SLC25A26: variants seen among roughly 807,000 people sequenced by gnomAD.
The protein encoded by SLC25A26 is solute carrier family 25 member 26.
In SLC25A26, 36 loss-of-function variants were observed where a neutral mutation model predicts 37.8. That is an observed-to-expected ratio of 0.95 (90% CI 0.73 to 1.26). SLC25A26 has a LOEUF of 1.26. Ranked by LOEUF, SLC25A26 falls within the 50% of genes most tolerant of loss-of-function variation. The pLI is 0.00. For missense variants in SLC25A26, 390 were observed against 331.1 expected, an observed-to-expected ratio of 1.18 and a Z score of -1.38; for synonymous variants, 129 against 122.5, an observed-to-expected ratio of 1.05 and a Z score of -0.35.
At chr3:66,366,961 G>A (rs1394652745) in intron 7 of SLC25A26, among the ~76,000 whole-genome samples, 1 of 152,176 alleles carries the variant, frequency 6.6e-6, no homozygotes, top group Non-Finnish European at 1.5e-5. Context: ...GTGCATTCCT[G>A]GCATGCCAGA....
intron 2 of SLC25A26, among the ~76,000 whole-genome samples, chr3:66,237,450 G>C (rs2072348488): frequency 6.6e-6 from 1 of 152,266 alleles, no homozygotes; most frequent in Non-Finnish European, 1.5e-5. Flanking sequence ...GTGAAGCCAA[G>C]TTTGATAATA....
Position 66,141,515 on chromosome 3 carries a change from A to ATT in SLC25A26, c.-354+7545_-354+7546dup, listed in dbSNP as rs35691470. ...AAAGCAAATCTTTGAAATAGTGTGA[A>ATT]TTTTTTTTTTTTTTTGAGACAGAGT... On this transcript the variant is annotated intron_variant, in intron 1 of 10. Transcript: ENST00000676754. Among the ~76,000 whole-genome samples the ATT allele has an allele frequency of 3.9e-4, 57 of 146,324 alleles. No homozygotes were observed. In the East Asian group the frequency reaches 8.5e-3, roughly 22 times the overall value.
At chr3:66,258,642 A>T (rs2073399410) in intron 3 of SLC25A26, among the ~76,000 whole-genome samples, 1 of 152,194 alleles carries the variant, frequency 6.6e-6, no homozygotes, top group South Asian at 2.1e-4. Flanking sequence ...ATGAATTTTA[A>T]TAACATATTT....
At chr3:66,262,979 GTTCTT>G (rs1223031764) in intron 4 of SLC25A26, among the ~76,000 whole-genome samples, 2 of 152,140 alleles carry the variant, frequency 1.3e-5, no homozygotes, top group Non-Finnish European at 1.5e-5. Context: ...CATCTCAAAT[GTTCTT>G]TTCAAGAGAA....
intron 5 of SLC25A26, among the ~76,000 whole-genome samples, chr3:66,339,386 C>T (rs973660498): frequency 6.6e-6 from 1 of 151,978 alleles, no homozygotes; most frequent in Non-Finnish European, 1.5e-5. Flanking sequence ...TAGGTTTATA[C>T]CTAGAAATGG....
intron 5 of SLC25A26, among the ~76,000 whole-genome samples, chr3:66,346,058 G>A (rs1426488225): frequency 1.3e-5 from 2 of 152,158 alleles, no homozygotes; most frequent in African/African-American, 4.8e-5. Context: ...AGCTGGGTGT[G>A]GTGGCGTGTG....
rs530514660 is a variant in SLC25A26 at position 66,272,176 on chromosome 3, C to G, written c.453+8797C>G. ...CATACATTATTTCACATAATCCTCA[C>G]AGCAGCCCAAAATGCGATCCCTACT... On this transcript the variant is annotated intron_variant, in intron 5 of 9. Transcript: ENST00000354883. Among the ~76,000 whole-genome samples the G allele has an allele frequency of 2.1e-3, 323 of 152,238 alleles. 1 individual carries two copies. The highest frequency in any genetic ancestry group is 7.1e-3 in the African/African-American group (295 of 41,542).
intron 1 of SLC25A26, among the ~76,000 whole-genome samples, chr3:66,173,488 G>C (rs546390764): frequency 6.6e-6 from 1 of 152,198 alleles, no homozygotes; most frequent in Non-Finnish European, 1.5e-5. Context: ...GGGAGTGGAT[G>C]TTTAAGCTTG....
intron 1 of SLC25A26, among the ~76,000 whole-genome samples, chr3:66,142,283 G>T (rs1250300743): frequency 6.6e-6 from 1 of 152,080 alleles, no homozygotes; most frequent in Non-Finnish European, 1.5e-5. Flanking sequence ...ATGTTTTTGA[G>T]GTTCATCCAG....
chr3:66,368,702 G>A (rs1031275187), intron 7 of SLC25A26, among the ~76,000 whole-genome samples: 2 of 152,140 alleles, frequency 1.3e-5, no homozygotes, highest in African/African-American at 2.4e-5. Flanking sequence ...AATGATAGAC[G>A]CATTTTGGAG....
chr3:66,346,392 T>C lies in SLC25A26; in HGVS notation c.482T>C (p.Leu161Ser). Residue 161 changes from leucine to serine, a missense_variant, in exon 6 of 10, where the codon TTA becomes TCA. Coordinates refer to ENST00000354883, the MANE Select transcript of SLC25A26 (RefSeq NM_001379210.1). ...CCTTTTTCTTTGGTCCAGTTTCCCT[T>C]ATGGGAGTCCTTAAAAGTAAGTTTC... ...EIPFSLVQFPLWESLKALWSW... is the reference protein window; with the variant it reads ...EIPFSLVQFPSWESLKALWSW... 1.3e-6 allele frequency: 2 copies of C among 1,488,702 alleles called. No individual in the cohort carries two copies. The highest frequency in any genetic ancestry group is 1.8e-6 in the Non-Finnish European group (2 of 1,114,104). 92.2% of individuals were successfully genotyped at this position (1,488,702 alleles called of 1,614,324 possible). A position where few individuals can be genotyped will look rare whatever the true frequency, so the allele number is the denominator to read the frequency against.
chr3:66,283,455 AT>A (rs1236814375), intron 5 of SLC25A26, among the ~76,000 whole-genome samples: 1 of 151,818 alleles, frequency 6.6e-6, no homozygotes, highest in African/African-American at 2.4e-5. Context: ...TAATTTTTGT[AT>A]TTTTTTGTAG....
chr3:66,162,344 C>CCT (rs1208364646), intron 1 of SLC25A26, among the ~76,000 whole-genome samples: 4 of 47,396 alleles, frequency 8.4e-5, no homozygotes, highest in African/African-American at 2.9e-4. Context: ...ATTTTTTTTT[C>CCT]TTTTTTTTTT....
At chr3:66,267,674 G>T (rs146812189) in intron 5 of SLC25A26, among the ~76,000 whole-genome samples, 42 of 152,268 alleles carry the variant, frequency 2.8e-4, no homozygotes, top group Non-Finnish European at 5.6e-4. Flanking sequence ...TTTGAGATAG[G>T]TGAGGGTTAT....
At chr3:66,173,832 C>T (rs2070535211) in intron 1 of SLC25A26, among the ~76,000 whole-genome samples, 1 of 152,092 alleles carries the variant, frequency 6.6e-6, no homozygotes, top group East Asian at 1.9e-4. Context: ...GTGGGTGGAT[C>T]ACAAGGTCAG....
At chr3:66,350,455 T>C (rs1321752169) in intron 6 of SLC25A26, among the ~76,000 whole-genome samples, 1 of 152,182 alleles carries the variant, frequency 6.6e-6, no homozygotes, top group Non-Finnish European at 1.5e-5. Flanking sequence ...CTGTTGGGAA[T>C]TTGTGGCCAC....
chr3:66,198,534 C>G (rs923176196), intron 1 of SLC25A26, among the ~76,000 whole-genome samples: 1 of 151,816 alleles, frequency 6.6e-6, no homozygotes, highest in Non-Finnish European at 1.5e-5. Context: ...TCACCCACAC[C>G]AAGACTCTAT....
intron 5 of SLC25A26, among the ~76,000 whole-genome samples, chr3:66,269,190 T>G (rs973440245): frequency 9.2e-5 from 14 of 152,228 alleles, no homozygotes; most frequent in Non-Finnish European, 1.3e-4. Flanking sequence ...AAAAGGCGGC[T>G]GTGATAGCAG....
Position 66,148,632 on chromosome 3 carries a change from A to G in SLC25A26, c.-354+14648A>G, listed in dbSNP as rs189601094. ...GCTGTGCTGACAGCACATTGTGAAG[A>G]TACATTCTCAGCTGTGAGTTACCTC... On this transcript the variant is annotated intron_variant, in intron 1 of 10. Coordinates refer to the SLC25A26 transcript ENST00000676754. Among the ~76,000 whole-genome samples, 15 of 152,360 alleles carry G rather than the reference A, an allele frequency of 9.8e-5. No homozygotes were observed. In the East Asian group the frequency reaches 2.9e-3, roughly 29 times the overall value.
Sources: allele counts gnomAD v4.1 joint callset (sites outside exome capture counted in the v4.1 genomes callset), GRCh38; gene constraint gnomAD v4.1.1; transcripts MANE v1.5; gene names NCBI Gene and HGNC (gene_info 2026-07-23, HGNC 2026-07-21).